SAMSN1: variants seen among roughly 807,000 people sequenced by gnomAD.
The protein encoded by SAMSN1 is SAM domain-containing protein SAMSN-1.
A neutral mutation model predicts 42.0 loss-of-function variants in SAMSN1; 31 were observed. The observed-to-expected ratio is 0.74, with a 90% CI of 0.55 to 1.00. The LOEUF is 1.00. Ranked by LOEUF, SAMSN1 falls within the 50% of genes least tolerant of loss-of-function variation. The pLI is 0.00. For synonymous variants in SAMSN1, 178 were observed against 151.9 expected (o/e 1.17, Z -1.26); for missense variants, 464 against 439.4 (o/e 1.06, Z -0.50).
chr21:14,596,311 A>G (rs1489091398), intron 6 of SAMSN1, among the ~76,000 whole-genome samples: 1 of 152,176 alleles, frequency 6.6e-6, no homozygotes, highest in Non-Finnish European at 1.5e-5. Flanking sequence ...AGATAACGAA[A>G]TATAGCCCTA....
chr21:14,627,707 A>G (rs2123356019), intron 2 of SAMSN1, among the ~76,000 whole-genome samples: 1 of 152,346 alleles, frequency 6.6e-6, no homozygotes, highest in African/African-American at 2.4e-5. Context: ...CAATAAATGT[A>G]CTAAATTGAA....
chr21:14,651,900 T>A (rs1311930866), intron 1 of SAMSN1, among the ~76,000 whole-genome samples: 1 of 151,798 alleles, frequency 6.6e-6, no homozygotes, highest in Non-Finnish European at 1.5e-5. Context: ...AAAAAGAAAT[T>A]AAAAAGTAAT....
chr21:14,634,686 A>C (rs1333869202), intron 2 of SAMSN1, among the ~76,000 whole-genome samples: 1 of 152,216 alleles, frequency 6.6e-6, no homozygotes, highest in African/African-American at 2.4e-5. Flanking sequence ...GAGGATGTGG[A>C]GAAATAGAAA....
chr21:14,500,402 G>A, intron 6 of SAMSN1, 127 bp downstream of exon 6: 1 of 740,418 alleles, frequency 1.4e-6, no homozygotes, highest in Non-Finnish European at 2.2e-6. Flanking sequence ...AGCTCTTCTA[G>A]GAAAACAGGT....
chr21:14,502,185 A>G (rs1987191218), intron 5 of SAMSN1, among the ~76,000 whole-genome samples: 1 of 152,192 alleles, frequency 6.6e-6, no homozygotes, highest in Non-Finnish European at 1.5e-5. Flanking sequence ...TTGTAATGGT[A>G]TAATTCACCA....
intron 2 of SAMSN1, among the ~76,000 whole-genome samples, chr21:14,566,468 G>A (rs1014177231): frequency 6.6e-6 from 1 of 151,924 alleles, no homozygotes; most frequent in Admixed American, 6.6e-5. Flanking sequence ...AAAAATTACT[G>A]CATTTTACAA....
upstream of SAMSN1, among the ~76,000 whole-genome samples, chr21:14,548,609 A>G (rs1389748002): frequency 6.6e-6 from 1 of 152,102 alleles, no homozygotes; most frequent in East Asian, 1.9e-4. Flanking sequence ...GTGGAAAAGG[A>G]TTTTTCCAAT....
chr21:14,524,744 T>G (rs184627179), intron 1 of SAMSN1, among the ~76,000 whole-genome samples: 2 of 152,272 alleles, frequency 1.3e-5, no homozygotes, highest in Admixed American at 1.3e-4. Context: ...ATATGGTACA[T>G]CCACACAATG....
chr21:14,578,278 C>T (rs1360941472), intron 2 of SAMSN1, among the ~76,000 whole-genome samples: 1 of 152,094 alleles, frequency 6.6e-6, no homozygotes, highest in African/African-American at 2.4e-5. Context: ...GGAGTTTACT[C>T]AAGCACACTC....
At chr21:14,624,862 G>A (rs569466479) in intron 2 of SAMSN1, among the ~76,000 whole-genome samples, 5 of 152,208 alleles carry the variant, frequency 3.3e-5, no homozygotes, top group East Asian at 1.9e-4. Flanking sequence ...GATGAACATC[G>A]ATGTAAAAAT....
chr21:14,608,760 G>A (rs1395843752), intron 5 of SAMSN1, among the ~76,000 whole-genome samples: 1 of 152,056 alleles, frequency 6.6e-6, no homozygotes, highest in East Asian at 1.9e-4. Context: ...AACTCCTAAG[G>A]TTCCCAATCC....
chr21:14,521,129 A>T (rs767760017), intron 2 of SAMSN1, 21 bp downstream of exon 2: 1 of 1,490,994 alleles, frequency 6.7e-7, no homozygotes, highest in Admixed American at 1.8e-5. Context: ...AACATTCATA[A>T]AAATGGAATA....
intron 2 of SAMSN1, among the ~76,000 whole-genome samples, chr21:14,559,703 C>T (rs1442089277): frequency 6.6e-6 from 1 of 151,792 alleles, no homozygotes; most frequent in Non-Finnish European, 1.5e-5. Flanking sequence ...CAAGGTTATC[C>T]CTATGTTGCC....
intron 7 of SAMSN1, among the ~76,000 whole-genome samples, chr21:14,493,955 C>T (rs538183008): frequency 3.9e-5 from 6 of 152,258 alleles, no homozygotes; most frequent in Non-Finnish European, 7.4e-5. Context: ...ACATACCAGC[C>T]CTTTCATCAG....
chr21:14,643,368 A>G (rs1446385518), intron 1 of SAMSN1, among the ~76,000 whole-genome samples: 3 of 152,232 alleles, frequency 2.0e-5, no homozygotes, highest in Non-Finnish European at 4.4e-5. Flanking sequence ...GAATTTAAAC[A>G]AGAGTTTAAG....
At chr21:14,593,501 T>C (rs2822804) in intron 7 of SAMSN1, among the ~76,000 whole-genome samples, 40,926 of 152,018 alleles carry the variant, frequency 0.27, 6,570 homozygotes, top group African/African-American at 0.46. Context: ...GTTGATGTGA[T>C]TTTAATATCA....
At chr21:14,594,899 C>T (rs1301958837) in intron 6 of SAMSN1, among the ~76,000 whole-genome samples, 2 of 152,140 alleles carry the variant, frequency 1.3e-5, no homozygotes, top group African/African-American at 4.8e-5. Flanking sequence ...GCAATTTGCA[C>T]ACAGTTCTAC....
chr21:14,586,367 G>T (rs1220987094), upstream of SAMSN1, among the ~76,000 whole-genome samples: 1 of 146,968 alleles, frequency 6.8e-6, no homozygotes. Flanking sequence ...CTACATATTT[G>T]TACTGAATGT....
At chr21:14,557,429 G>A (rs774482924) in intron 2 of SAMSN1, among the ~76,000 whole-genome samples, 1 of 152,132 alleles carries the variant, frequency 6.6e-6, no homozygotes, top group Non-Finnish European at 1.5e-5. Context: ...GAGATTCCTA[G>A]GAATTCACGC....
Sources: gnomAD v4.1 joint callset for allele counts (sites outside exome capture counted in the v4.1 genomes callset) on GRCh38, gnomAD v4.1.1 for gene constraint, MANE v1.5 for transcripts, NCBI Gene and HGNC (gene_info 2026-07-23, HGNC 2026-07-21) for gene names.